The following PAQR5 variants were observed in gnomAD, a reference collection of about 807,000 sequenced individuals.
PAQR5 encodes the protein membrane progestin receptor gamma.
PAQR5 carries 20 observed loss-of-function variants against 34.5 expected under a neutral mutation model. The observed-to-expected ratio is 0.58, with a 90% CI of 0.41 to 0.84. PAQR5 has a LOEUF of 0.84. Ranked by LOEUF, PAQR5 falls within the 40% of genes least tolerant of loss-of-function variation. The probability of loss-of-function intolerance (pLI) is 0.00; values close to 1 mark genes in which losing one functional copy is unlikely to be tolerated. For synonymous variants in PAQR5, 131 were observed against 155.6 expected (o/e 0.84, Z 1.18); for missense variants, 378 against 412.7 (o/e 0.92, Z 0.73).
At chr15:69,374,351 C>T (rs2055645051) in intron 3 of PAQR5, among the ~76,000 whole-genome samples, 1 of 152,092 alleles carries the variant, frequency 6.6e-6, no homozygotes, top group East Asian at 1.9e-4. Flanking sequence ...GCCTGGTGCA[C>T]CGCAGGTACC....
chr15:69,300,913 CTTTCTCTCTCTCTCTCTCTCTCTCTCT>C (rs2053573646), intron 1 of PAQR5, among the ~76,000 whole-genome samples: 2 of 10,830 alleles, frequency 1.8e-4, no homozygotes, highest in Admixed American at 1.8e-3. Flanking sequence ...TCCTTCCTTC[CTTTCTCTCTCTCTCTCTCTCTCTCTCT>C]TTCTTTCCTT....
chr15:69,352,100 G>A (rs556163320), intron 2 of PAQR5, among the ~76,000 whole-genome samples: 2 of 152,206 alleles, frequency 1.3e-5, no homozygotes, highest in African/African-American at 4.8e-5. Context: ...GGTGCTTGAT[G>A]TGTCAGTGGC....
chr15:69,376,941 TCCA>T (rs1403182194), intron 3 of PAQR5, among the ~76,000 whole-genome samples: 2 of 152,146 alleles, frequency 1.3e-5, no homozygotes, highest in African/African-American at 4.8e-5. Flanking sequence ...CTAGCTTCTG[TCCA>T]GCCACTGCCA....
At chr15:69,402,698 A>G (rs1423655425) in intron 8 of PAQR5, among the ~76,000 whole-genome samples, 1 of 152,230 alleles carries the variant, frequency 6.6e-6, no homozygotes, top group Non-Finnish European at 1.5e-5. Context: ...TTATTTCTCT[A>G]AAGATCCTAT....
At chr15:69,356,095 T>G (rs2055070249) in intron 2 of PAQR5, among the ~76,000 whole-genome samples, 1 of 152,232 alleles carries the variant, frequency 6.6e-6, no homozygotes, top group Non-Finnish European at 1.5e-5. Context: ...AGTGTGAGAG[T>G]AGAGACTGTG....
chr15:69,366,978 G>A (rs571510003), intron 3 of PAQR5, among the ~76,000 whole-genome samples: 2 of 151,984 alleles, frequency 1.3e-5, no homozygotes, highest in African/African-American at 2.4e-5. Context: ...GAATGCATCC[G>A]ATATTAATGT....
At chr15:69,369,853 C>T (rs370854271) in intron 3 of PAQR5, among the ~76,000 whole-genome samples, 6 of 151,980 alleles carry the variant, frequency 3.9e-5, no homozygotes, top group East Asian at 3.9e-4. Flanking sequence ...GGCAAAGTCT[C>T]GTATTAGATT....
rs534274013 is a variant in PAQR5, at chr15:69,385,917, TACAC to T, written c.385+1040_385+1043del. Among the ~76,000 whole-genome samples the T allele has an allele frequency of 5.4e-5, 8 of 149,238 alleles. No individual in the cohort carries two copies. The highest frequency in any genetic ancestry group is 2.0e-4 in the East Asian group (1 of 4,976). ...TTGACACACACACAATACACTCACA[TACAC>T]ACACTCACACCACATACACACAATA... On this transcript the variant is annotated intron_variant, in intron 5 of 8. Coordinates refer to ENST00000395407, the MANE Select transcript of PAQR5 (RefSeq NM_017705.4). This position sits in a 1 kb window ranked among gnomAD's most constrained non-coding sequence, Gnocchi z 4.7.
intron 1 of PAQR5, among the ~76,000 whole-genome samples, chr15:69,302,379 G>T (rs1456543894): frequency 6.6e-6 from 1 of 151,898 alleles, no homozygotes; most frequent in African/African-American, 2.4e-5. Context: ...AGCCAGAAAT[G>T]GGGACTTTCA....
intron 8 of PAQR5, among the ~76,000 whole-genome samples, chr15:69,401,367 G>A (rs1488452201): frequency 1.3e-5 from 2 of 152,210 alleles, no homozygotes; most frequent in African/African-American, 4.8e-5. Context: ...TCTGATTAAA[G>A]TTTTATCTCC....
At chr15:69,372,955 A>T (rs2055603873) in intron 3 of PAQR5, among the ~76,000 whole-genome samples, 1 of 152,196 alleles carries the variant, frequency 6.6e-6, no homozygotes, top group Non-Finnish European at 1.5e-5. Flanking sequence ...CAAGTCTGAC[A>T]TGGGTCTCAC....
chr15:69,326,309 G>C (rs1431545304), intron 1 of PAQR5, among the ~76,000 whole-genome samples: 1 of 152,166 alleles, frequency 6.6e-6, no homozygotes, highest in Non-Finnish European at 1.5e-5. Context: ...GAGTATCCAT[G>C]TGAAGAAGCT....
Position 69,384,782 on chromosome 15 carries a change from A to G in PAQR5, c.285A>G (p.Pro95=), listed in dbSNP as rs747879616. The part of the protein sequence containing the change: ...LVYMCTSCVY[P]LVSSCAHTFS... ...ACATGTGCACCAGCTGCGTGTACCCACTTGTGTCCAGCTGTGCGCACACCT... is the reference window on the plus strand; with the variant it reads ...ACATGTGCACCAGCTGCGTGTACCCGCTTGTGTCCAGCTGTGCGCACACCT... The change falls in exon 5 of 9, where the codon CCA becomes CCG. Residue 95 remains proline (P), a synonymous_variant. Coordinates refer to ENST00000395407, the MANE Select transcript of PAQR5 (RefSeq NM_017705.4). 3 of 1,613,758 alleles carry G rather than the reference A, an allele frequency of 1.9e-6. No individual in the cohort carries two copies. The African/African-American group carries it at 4.0e-5, about 22-fold the overall frequency.
chr15:69,306,412 C>CTTTTTT (rs34752383), intron 1 of PAQR5, among the ~76,000 whole-genome samples: 1 of 127,626 alleles, frequency 7.8e-6, no homozygotes, highest in Non-Finnish European at 1.6e-5. Context: ...ACCATTTAAC[C>CTTTTTT]TTTTTTTTTT....
At chr15:69,399,457 G>A (rs949613328) in intron 7 of PAQR5, among the ~76,000 whole-genome samples, 1 of 152,148 alleles carries the variant, frequency 6.6e-6, no homozygotes, top group Non-Finnish European at 1.5e-5. Context: ...GTTTGTTACA[G>A]GTAAGGCTTC....
chr15:69,315,087 T>G (rs920572661), intron 1 of PAQR5, among the ~76,000 whole-genome samples: 1 of 152,110 alleles, frequency 6.6e-6, no homozygotes, highest in African/African-American at 2.4e-5. Context: ...GTGCAGCTTG[T>G]GCAGAATCCC....
chr15:69,392,846 G>C (rs2056309950), intron 6 of PAQR5, among the ~76,000 whole-genome samples: 1 of 152,046 alleles, frequency 6.6e-6, no homozygotes, highest in Non-Finnish European at 1.5e-5. Flanking sequence ...GGACTACAGA[G>C]AGGGTGGGCC....
chr15:69,350,226 G>A (rs546019671), intron 2 of PAQR5, among the ~76,000 whole-genome samples: 20 of 152,334 alleles, frequency 1.3e-4, no homozygotes, highest in South Asian at 2.1e-4. Context: ...AATCAGAATC[G>A]TCTGTCTCGT....
chr15:69,347,225 A>T (rs941325234), intron 2 of PAQR5, among the ~76,000 whole-genome samples: 1 of 152,198 alleles, frequency 6.6e-6, no homozygotes, highest in Admixed American at 6.5e-5. Flanking sequence ...AGAAAACATG[A>T]CACAAGAAAT....
Sources: gnomAD v4.1 joint callset for allele counts (sites outside exome capture counted in the v4.1 genomes callset) on GRCh38, gnomAD v4.1.1 for gene constraint, Gnocchi (gnomAD v3.1) non-coding constraint, MANE v1.5 for transcripts, NCBI Gene and HGNC (gene_info 2026-07-23, HGNC 2026-07-21) for gene names.